TCF20: variants seen among roughly 807,000 people sequenced by gnomAD.
The protein encoded by TCF20 is SPRE-binding protein.
Under a neutral mutation model 148.6 loss-of-function variants are expected in TCF20, and 3 were observed. That is an observed-to-expected ratio of 0.02 (90% CI 0.01 to 0.05). The LOEUF is 0.05. Among genes scored for constraint, TCF20 ranks in the 10% least tolerant of loss-of-function variants. TCF20 has a pLI of 1.00. For missense variants in TCF20, 2,350 were observed against 2,429.3 expected (o/e 0.97, Z 0.69); for synonymous variants, 1,049 against 909.5 (o/e 1.15, Z -2.76).
Position 42,211,272 on chromosome 22 carries a change from C to T in TCF20, c.4034G>A (p.Arg1345Gln), listed in dbSNP as rs1569145932. The T allele has an allele frequency of 1.9e-6, 3 of 1,614,120 alleles. No individual in the cohort carries two copies. The highest frequency in any genetic ancestry group is 8.5e-7 in the Non-Finnish European group (1 of 1,180,030). ...TTCCAATTTCAATCCCCGTCCTTTC[C>T]GTGGGGGCAGTATTTTGGTCTTAGC... ...SPAKTKILPP[R>Q]KGRGLKLEAI... The change falls in exon 2 of 6, where the codon CGG becomes CAG. Residue 1345 changes from arginine to glutamine, a missense_variant. Coordinates refer to ENST00000677622, the MANE Select transcript of TCF20 (RefSeq NM_001378418.1).
In TCF20 at chr22:42,168,714, G is replaced by C. The variant is rs764774335; in HGVS notation, c.5822C>G (p.Pro1941Arg). 2.5e-6 allele frequency: 4 copies of C among 1,611,262 alleles called. No individual in the cohort carries two copies. Among genetic ancestry groups the C allele is most frequent in the Non-Finnish European group, 2.5e-6 (3 of 1,179,096 alleles). The change falls in exon 5 of 6, where the codon CCC (proline) becomes CGC (arginine). Residue 1941 changes from proline (P) to arginine (R), a missense_variant. Around this residue, in one of 7 missense-constraint regions of TCF20, gnomAD observed 67 missense variants for 60.8 expected, o/e 1.10. Coordinates refer to ENST00000677622, the MANE Select transcript of TCF20 (RefSeq NM_001378418.1). ...KHKPPLPCPL[P>R]PLQNKTAKGS... is the part of the protein sequence containing the mutation. ...TTTCGCGGTCTTGTTCTGCAAGGGG[G>C]GGAGAGGGCACGGAAGGGGAGGCTG... is the stretch of plus-strand genomic sequence containing the variant.
chr22:42,232,779 A>AC (rs748553160), intron 1 of TCF20, among the ~76,000 whole-genome samples: 8 of 150,606 alleles, frequency 5.3e-5, no homozygotes, highest in Admixed American at 1.3e-4. Flanking sequence ...AGCCTGGGCA[A>AC]CAGAGCAAGA....
chr22:42,204,950 TG>T (rs1222718698), intron 2 of TCF20, among the ~76,000 whole-genome samples: 5 of 152,016 alleles, frequency 3.3e-5, no homozygotes, highest in Non-Finnish European at 4.4e-5. Context: ...TGGAAAAATT[TG>T]GGAGGGGCAC....
chr22:42,178,398 G>A (rs1936569981), intron 3 of TCF20, among the ~76,000 whole-genome samples: 1 of 152,090 alleles, frequency 6.6e-6, no homozygotes, highest in South Asian at 2.1e-4. Flanking sequence ...TTGTGGGACT[G>A]AGCCCTTAAC....
chr22:42,166,524 G>A (rs1434987353), intron 5 of TCF20, among the ~76,000 whole-genome samples: 2 of 151,034 alleles, frequency 1.3e-5, no homozygotes, highest in South Asian at 2.1e-4. Context: ...CGGGAGAATC[G>A]CCTGAACCCC....
intron 1 of TCF20, among the ~76,000 whole-genome samples, chr22:42,316,955 C>T (rs981165210): frequency 6.6e-6 from 1 of 152,186 alleles, no homozygotes; most frequent in Non-Finnish European, 1.5e-5. Context: ...CCGTCTGTGC[C>T]CACTGCTTTT....
At chr22:42,326,869 G>A (rs957874779) in intron 1 of TCF20, among the ~76,000 whole-genome samples, 4 of 152,372 alleles carry the variant, frequency 2.6e-5, no homozygotes, top group Non-Finnish European at 2.9e-5. Context: ...TTCCAGAGCC[G>A]GAGCGCTGGG....
intron 1 of TCF20, among the ~76,000 whole-genome samples, chr22:42,255,913 G>A (rs985949691): frequency 6.6e-6 from 1 of 152,016 alleles, no homozygotes; most frequent in South Asian, 2.1e-4. Flanking sequence ...TTAGGCCCAC[G>A]CTCCCTTCTG....
At chr22:42,216,200 C>CT (rs1921785152) in intron 1 of TCF20, among the ~76,000 whole-genome samples, 2 of 145,804 alleles carry the variant, frequency 1.4e-5, no homozygotes, top group Middle Eastern at 7.6e-3. Context: ...AATGATCCTC[C>CT]TGCCTCGGCC....
chr22:42,207,060 T>C (rs1938433168), intron 2 of TCF20, among the ~76,000 whole-genome samples: 2 of 152,254 alleles, frequency 1.3e-5, no homozygotes, highest in Admixed American at 6.5e-5. Flanking sequence ...CCAGCCACTT[T>C]AGGGCACAGA....
At chr22:42,321,194 G>T (rs902649196) in intron 1 of TCF20, among the ~76,000 whole-genome samples, 2 of 152,220 alleles carry the variant, frequency 1.3e-5, no homozygotes, top group African/African-American at 2.4e-5. Flanking sequence ...TCTCAGTGAC[G>T]GACAGAGGCT....
upstream of TCF20, among the ~76,000 whole-genome samples, chr22:42,270,773 C>G (rs1344407966): frequency 3.5e-5 from 5 of 144,384 alleles, no homozygotes; most frequent in South Asian, 4.2e-4. Context: ...GGGGCGGGGC[C>G]GGGCGCGCGC....
intron 1 of TCF20, among the ~76,000 whole-genome samples, chr22:42,222,516 A>T (rs1467059017): frequency 6.6e-6 from 1 of 152,052 alleles, no homozygotes; most frequent in African/African-American, 2.4e-5. Context: ...AAGCCCTGTG[A>T]CATCTTCCCA....
At chr22:42,176,378 A>G (rs910747134) in intron 3 of TCF20, among the ~76,000 whole-genome samples, 12 of 151,932 alleles carry the variant, frequency 7.9e-5, no homozygotes, top group Non-Finnish European at 2.9e-5. Context: ...GCTGGAAGGA[A>G]GGGGGGGGCA....
At position 42,210,873 on chromosome 22, in the gene TCF20, C is replaced by T; in HGVS notation, c.4433G>A (p.Arg1478Lys). ...TGTTCCACCCAGGGAACCATCTGGT[C>T]TCCCTTGGTTACTACCAGGCTTCTG... ...TSQKPGSNQG[R>K]PDGSLGGTAP... The change falls in exon 2 of 6, where the codon AGA becomes AAA. Residue 1478 changes from arginine to lysine, a missense_variant. Arg to Lys is a conservative substitution (Grantham distance 26). Coordinates refer to ENST00000677622, the MANE Select transcript of TCF20 (RefSeq NM_001378418.1). The surrounding 1 kb of genome is among the most constrained non-coding windows in gnomAD (Gnocchi z 4.7). 6.2e-7 allele frequency: 1 copy of T among 1,614,170 alleles called. No homozygotes were observed. Among genetic ancestry groups the T allele is most frequent in the South Asian group, 1.1e-5 (1 of 91,082 alleles).
chr22:42,337,750 C>T (rs896306896), intron 1 of TCF20, among the ~76,000 whole-genome samples: 13 of 152,210 alleles, frequency 8.5e-5, no homozygotes, highest in Admixed American at 6.5e-5. Flanking sequence ...ATTCTGGATC[C>T]AGAGGCCCAA....
chr22:42,214,350 T>C lies in TCF20; in HGVS notation c.956A>G (p.Gln319Arg), dbSNP rs886104467. 2.5e-6 allele frequency: 4 copies of C among 1,614,104 alleles called. No individual in the cohort carries two copies. Among genetic ancestry groups the C allele is most frequent in the Non-Finnish European group, 3.4e-6 (4 of 1,180,044 alleles). The part of the protein sequence containing the change: ...TQQGQQQQQP[Q>R]QQQHPSQHVM... ...ATGCTGAGAAGGGTGTTGTTGTTGC[T>C]GCGGTTGCTGCTGCTGCTGCCCCTG... Residue 319 changes from glutamine to arginine, a missense_variant, in exon 2 of 6, where the codon CAG (glutamine) becomes CGG (arginine). Around this residue, in one of 7 missense-constraint regions of TCF20, gnomAD observed 1,641 missense variants for 1,662.6 expected, o/e 0.99. Transcript: ENST00000677622.
intron 3 of TCF20, among the ~76,000 whole-genome samples, chr22:42,177,092 C>A (rs866326793): frequency 1.1e-4 from 17 of 152,130 alleles, no homozygotes; most frequent in African/African-American, 4.1e-4. Context: ...TTACTGAGCA[C>A]CCCATATCTA....
intron 1 of TCF20, among the ~76,000 whole-genome samples, chr22:42,267,202 G>A (rs558488670): frequency 3.9e-5 from 6 of 152,120 alleles, no homozygotes; most frequent in Non-Finnish European, 8.8e-5. Context: ...TGGAGGCTGA[G>A]GTTGCAGTGA....
Sources: allele counts gnomAD v4.1 joint callset (sites outside exome capture counted in the v4.1 genomes callset), GRCh38; gene constraint gnomAD v4.1.1; regional missense constraint gnomAD v4.1.1; non-coding constraint Gnocchi (gnomAD v3.1); transcripts MANE v1.5; gene names NCBI Gene and HGNC (gene_info 2026-07-23, HGNC 2026-07-21).